Variants in CSMD1 observed in about 807,000 individuals in gnomAD.
CSMD1 encodes the protein CUB and Sushi multiple domains 1, also known as CUB and sushi domain-containing protein 1.
Under a neutral mutation model 417.5 loss-of-function variants are expected in CSMD1, and 213 were observed. The observed-to-expected ratio is 0.51, with a 90% CI of 0.46 to 0.57. The LOEUF (loss-of-function observed/expected upper bound fraction) is 0.57. Ranked by LOEUF, CSMD1 falls within the 20% of genes least tolerant of loss-of-function variation. CSMD1 has a pLI of 0.00. For missense variants in CSMD1, 6,923 were observed against 4,529.7 expected (o/e 1.53, Z -15.17); for synonymous variants, 2,862 against 1,736.8 (o/e 1.65, Z -16.11).
chr8:3,226,844 T>C (rs754884055), intron 27 of CSMD1, among the ~76,000 whole-genome samples: 16 of 151,816 alleles, frequency 1.1e-4, no homozygotes, highest in Non-Finnish European at 1.0e-4. Flanking sequence ...AGAGAGCCAG[T>C]AATGAGTAAA....
In CSMD1 at chr8:3,795,688, T is replaced by C. The variant is rs191452606; in HGVS notation, c.819-41646A>G. Among the ~76,000 whole-genome samples, 39 of 41,152 alleles carry C rather than the reference T, an allele frequency of 9.5e-4. 19 individuals are homozygous for C. Among genetic ancestry groups the C allele is most frequent in the African/African-American group, 3.8e-3 (32 of 8,434 alleles). The allele number at this position is 41,152 out of a possible 152,430, so 27.0% of individuals were successfully genotyped here. On this transcript the variant is annotated intron_variant, in intron 5 of 69. Coordinates refer to ENST00000635120, the MANE Select transcript of CSMD1 (RefSeq NM_033225.6). ...GATATAGATATATATCTATCATGTA[T>C]AGATATAGATATATATCTATCAAGT...
chr8:4,677,774 T>C (rs1217508684), intron 1 of CSMD1, among the ~76,000 whole-genome samples: 2 of 151,848 alleles, frequency 1.3e-5, no homozygotes, highest in African/African-American at 2.4e-5. Flanking sequence ...AAAAGGAGAA[T>C]GGAAAACAGA....
intron 10 of CSMD1, among the ~76,000 whole-genome samples, chr8:3,567,089 C>A (rs991958826): frequency 3.3e-5 from 5 of 152,182 alleles, no homozygotes; most frequent in Admixed American, 3.3e-4. Flanking sequence ...GAATACTATG[C>A]AGCCATATAA....
intron 1 of CSMD1, among the ~76,000 whole-genome samples, chr8:4,763,406 G>C (rs545699727): frequency 3.9e-5 from 6 of 152,122 alleles, no homozygotes; most frequent in Non-Finnish European, 7.4e-5. Context: ...TTCAGTCTGT[G>C]CTGAGAGTAA....
intron 3 of CSMD1, among the ~76,000 whole-genome samples, chr8:4,077,329 CAT>C (rs1335693961): frequency 3.9e-5 from 4 of 103,402 alleles, no homozygotes; most frequent in South Asian, 3.2e-4. Context: ...ATATGGTAGA[CAT>C]ATAGATTATA....
intron 46 of CSMD1, among the ~76,000 whole-genome samples, chr8:3,102,331 A>G (rs1815813968): frequency 6.6e-6 from 1 of 152,180 alleles, no homozygotes; most frequent in Non-Finnish European, 1.5e-5. Flanking sequence ...TTAGAGAATG[A>G]CAGCTAAGAT....
At chr8:4,945,499 A>C (rs1808305202) in intron 1 of CSMD1, among the ~76,000 whole-genome samples, 1 of 150,936 alleles carries the variant, frequency 6.6e-6, no homozygotes, top group African/African-American at 2.4e-5. Context: ...GTTTTAAAAA[A>C]ACAAAATAAA....
At chr8:4,680,886 T>C (rs956326640) in intron 1 of CSMD1, among the ~76,000 whole-genome samples, 2 of 151,310 alleles carry the variant, frequency 1.3e-5, no homozygotes, top group Admixed American at 1.3e-4. Flanking sequence ...AACCCTAAGA[T>C]AGTTTTCAAT....
intron 3 of CSMD1, among the ~76,000 whole-genome samples, chr8:4,401,906 G>A (rs920581356): frequency 5.9e-5 from 9 of 151,986 alleles, no homozygotes; most frequent in Non-Finnish European, 8.8e-5. Context: ...CTCACATGTA[G>A]ATCCTCTTAT....
chr8:3,027,189 G>GA (rs869291256), intron 51 of CSMD1, among the ~76,000 whole-genome samples: 4 of 151,518 alleles, frequency 2.6e-5, no homozygotes, highest in Non-Finnish European at 5.9e-5. Context: ...CTTTTGGGGG[G>GA]AAAAAAAAGA....
intron 1 of CSMD1, among the ~76,000 whole-genome samples, chr8:4,663,265 G>A (rs1433861087): frequency 6.6e-6 from 1 of 152,184 alleles, no homozygotes. Flanking sequence ...GTATATACAC[G>A]ATAACACAAA....
intron 26 of CSMD1, among the ~76,000 whole-genome samples, chr8:3,230,640 T>C (rs1310025841): frequency 2.0e-5 from 3 of 152,158 alleles, no homozygotes; most frequent in African/African-American, 7.2e-5. Flanking sequence ...AGGAAGAATT[T>C]CCTTAAGGTC....
chr8:3,794,084 C>G (rs1263650343), intron 5 of CSMD1, among the ~76,000 whole-genome samples: 5 of 152,278 alleles, frequency 3.3e-5, no homozygotes, highest in Non-Finnish European at 5.9e-5. Flanking sequence ...CCCCTGATGG[C>G]TCATGAAAAA....
intron 10 of CSMD1, among the ~76,000 whole-genome samples, chr8:3,547,328 G>A (rs900187640): frequency 1.3e-5 from 2 of 152,202 alleles, no homozygotes; most frequent in African/African-American, 4.8e-5. Flanking sequence ...CAGTTTCTAA[G>A]TGAGAATGTA....
chr8:3,858,555 A>G (rs188516726), intron 5 of CSMD1, among the ~76,000 whole-genome samples: 1 of 152,332 alleles, frequency 6.6e-6, no homozygotes, highest in East Asian at 1.9e-4. Context: ...TGTTAACTGC[A>G]TAAATGGACT....
At chr8:3,379,246 G>A (rs546661992) in intron 18 of CSMD1, among the ~76,000 whole-genome samples, 1 of 152,128 alleles carries the variant, frequency 6.6e-6, no homozygotes, top group African/African-American at 2.4e-5. Context: ...GGAAATAAGA[G>A]AGGACACAAA....
At chr8:3,330,087 C>T (rs1235062247) in intron 23 of CSMD1, among the ~76,000 whole-genome samples, 2 of 152,142 alleles carry the variant, frequency 1.3e-5, no homozygotes, top group Admixed American at 1.3e-4. Context: ...GGGTGCAGCT[C>T]CTCCCAGGTC....
rs550593913 is a variant in CSMD1 at position 4,769,433 on chromosome 8, G to C, written c.86-131875C>G. 4.6e-5 allele frequency among the ~76,000 whole-genome samples: 7 copies of C among 152,180 alleles called. No individual in the cohort carries two copies. In the East Asian group the frequency reaches 9.7e-4, roughly 21 times the overall value. On this transcript the variant is annotated intron_variant, in intron 1 of 69. Coordinates refer to ENST00000635120, the MANE Select transcript of CSMD1 (RefSeq NM_033225.6). ...TTCTTGGCATTTTGGGAAAACTTTA[G>C]AATAAGGTATTATCTGAAGATCACT...
chr8:3,522,685 C>G (rs1321301129), intron 10 of CSMD1, among the ~76,000 whole-genome samples: 1 of 152,008 alleles, frequency 6.6e-6, no homozygotes, highest in African/African-American at 2.4e-5. Flanking sequence ...AGGAGTAGAT[C>G]AGTCGTCCCG....
Sources: allele counts gnomAD v4.1 joint callset (sites outside exome capture counted in the v4.1 genomes callset), GRCh38; gene constraint gnomAD v4.1.1; transcripts MANE v1.5; gene names NCBI Gene and HGNC (gene_info 2026-07-23, HGNC 2026-07-21).